The following NIPA1 variants were observed in gnomAD, a reference collection of about 807,000 sequenced individuals.
The protein encoded by NIPA1 is NIPA magnesium transporter 1, also known as magnesium transporter NIPA1.
NIPA1 carries 13 observed loss-of-function variants against 23.9 expected under a neutral mutation model. The observed-to-expected ratio is 0.54, with a 90% CI of 0.35 to 0.87. NIPA1 has a LOEUF of 0.87. Ranked by LOEUF, NIPA1 falls within the 40% of genes least tolerant of loss-of-function variation. NIPA1 has a pLI of 0.01. For synonymous variants in NIPA1, 234 were observed against 202.9 expected, an observed-to-expected ratio of 1.15 and a Z score of -1.30; for missense variants, 362 against 429.7, an observed-to-expected ratio of 0.84 and a Z score of 1.39.
chr15:22,799,876 T>A (rs1269195292), intron 1 of NIPA1, among the ~76,000 whole-genome samples: 1 of 131,950 alleles, frequency 7.6e-6, no homozygotes, highest in Non-Finnish European at 1.5e-5. Context: ...CCCAGGAGGT[T>A]GAGGCTTCAG....
At chr15:22,791,284 A>G (rs1333319879) in intron 1 of NIPA1, among the ~76,000 whole-genome samples, 1 of 151,878 alleles carries the variant, frequency 6.6e-6, no homozygotes, top group East Asian at 1.9e-4. Context: ...TCCACTCTGT[A>G]TGTCTGAAAG....
intron 1 of NIPA1, among the ~76,000 whole-genome samples, chr15:22,793,342 A>G (rs1894870888): frequency 1.7e-5 from 2 of 118,450 alleles, no homozygotes; most frequent in Admixed American, 2.1e-4. Context: ...CAGGCTACGG[A>G]GTGAGACTGT....
At chr15:22,814,683 A>G (rs971957154) in intron 3 of NIPA1, among the ~76,000 whole-genome samples, 21 of 152,348 alleles carry the variant, frequency 1.4e-4, no homozygotes, top group Non-Finnish European at 1.2e-4. Flanking sequence ...AGTGTAATGT[A>G]TGATAAAGTA....
At chr15:22,803,999 C>T (rs1306144872) in intron 1 of NIPA1, among the ~76,000 whole-genome samples, 1 of 148,932 alleles carries the variant, frequency 6.7e-6, no homozygotes, top group Non-Finnish European at 1.5e-5. Flanking sequence ...TTTTTTGAGA[C>T]AGGGTCTCAC....
At chr15:22,810,512 T>G (rs189286257) in intron 1 of NIPA1, among the ~76,000 whole-genome samples, 26 of 152,226 alleles carry the variant, frequency 1.7e-4, no homozygotes, top group Non-Finnish European at 3.4e-4. Flanking sequence ...AGATCTCATT[T>G]CCTTATTTGG....
At chr15:22,805,452 C>T (rs113061151) in intron 1 of NIPA1, among the ~76,000 whole-genome samples, 7,469 of 152,118 alleles carry the variant, frequency 0.049, 587 homozygotes, top group African/African-American at 0.17. Flanking sequence ...TTTGGGAGGC[C>T]GAGGTGAGCG....
At chr15:22,794,393 G>A (rs745818581) in intron 1 of NIPA1, among the ~76,000 whole-genome samples, 2 of 152,090 alleles carry the variant, frequency 1.3e-5, no homozygotes, top group Non-Finnish European at 2.9e-5. Context: ...CAAAGCTTCA[G>A]TGTGTGAAGA....
At chr15:22,798,550 T>C (rs1211975996) in intron 1 of NIPA1, among the ~76,000 whole-genome samples, 1 of 129,862 alleles carries the variant, frequency 7.7e-6, no homozygotes, top group Non-Finnish European at 1.7e-5. Flanking sequence ...ATCCTAAAAA[T>C]CTTAAAAAAA....
Position 22,786,720 on chromosome 15 carries a change from A to T in NIPA1, c.64A>T (p.Ser22Cys). The T allele has an allele frequency of 8.3e-7, 1 of 1,199,260 alleles. No homozygotes were observed. Among genetic ancestry groups the T allele is most frequent in the Non-Finnish European group, 1.1e-6 (1 of 951,074 alleles). 74.3% of individuals were successfully genotyped at this position (1,199,260 alleles called of 1,614,324 possible). A position where few individuals can be genotyped will look rare whatever the true frequency, so the allele number is the denominator to read the frequency against. ...AAAAAGEGARSPSPAAVSLGL... is the reference protein window; with the variant it reads ...AAAAAGEGARCPSPAAVSLGL... ...GGCGGCGGCCGGGGAGGGGGCGCGTAGCCCGAGCCCCGCCGCCGTGTCGCT... is the reference window on the plus strand; with the variant it reads ...GGCGGCGGCCGGGGAGGGGGCGCGTTGCCCGAGCCCCGCCGCCGTGTCGCT... Residue 22 changes from serine to cysteine, a missense_variant, in exon 1 of 5, where the codon AGC (serine) becomes TGC (cysteine). Around this residue, in one of 2 missense-constraint regions of NIPA1, gnomAD observed 85 missense variants for 57.7 expected, o/e 1.47. Coordinates refer to ENST00000337435, the MANE Select transcript of NIPA1 (RefSeq NM_144599.5).
chr15:22,814,328 G>T (rs1895374180), intron 3 of NIPA1, among the ~76,000 whole-genome samples: 7 of 151,716 alleles, frequency 4.6e-5, no homozygotes, highest in Admixed American at 4.6e-4. Flanking sequence ...CACGATCTCG[G>T]CTCACTGCAA....
Position 22,786,671 on chromosome 15 carries a change from T to TGCGGCA in NIPA1, c.21_26dup (p.Ala15_Ala16dup), listed in dbSNP as rs1555371600. 4.5e-5 allele frequency: 48 copies of TGCGGCA among 1,065,912 alleles called. No homozygotes were observed. The highest frequency in any genetic ancestry group is 1.5e-4 in the South Asian group (4 of 27,170). The allele number at this position is 1,065,912 out of a possible 1,614,324, so 66.0% of individuals were successfully genotyped here. A position where few individuals can be genotyped will look rare whatever the true frequency, so the allele number is the denominator to read the frequency against. ...GCGCGGGCGGAATGGGGACTGCAGC[T>TGCGGCA]GCGGCAGCGGCGGCGGCGGCGGCGG... On this transcript the variant is annotated inframe_insertion, in exon 1 of 5. Transcript: ENST00000337435.
chr15:22,824,466 G>A lies in NIPA1; in HGVS notation c.*227G>A, dbSNP rs1372108467. 3.6e-6 allele frequency: 2 copies of A among 555,214 alleles called. No homozygotes were observed. The highest frequency in any genetic ancestry group is 6.1e-5 in the East Asian group (2 of 32,988). The allele number at this position is 555,214 out of a possible 1,614,324, so 34.4% of individuals were successfully genotyped here. On this transcript the variant is annotated 3_prime_UTR_variant, in exon 5 of 5. Coordinates refer to ENST00000337435, the MANE Select transcript of NIPA1 (RefSeq NM_144599.5). This position sits in a 1 kb window ranked among gnomAD's most constrained non-coding sequence, Gnocchi z 4.1. ...CGGTTGCCTGGCACCATCTCTCTCTGATGAGACGAATCTCATTTTCATTTC... is the reference window on the plus strand; with the variant it reads ...CGGTTGCCTGGCACCATCTCTCTCTAATGAGACGAATCTCATTTTCATTTC...
chr15:22,791,235 TTTCA>T (rs966380174), intron 1 of NIPA1, among the ~76,000 whole-genome samples: 24 of 152,132 alleles, frequency 1.6e-4, no homozygotes, highest in African/African-American at 5.6e-4. Flanking sequence ...CTTTACTTCC[TTTCA>T]TTCCTGTTCA....
rs1194623054 is a variant in NIPA1, at chr15:22,825,954, C to T, written c.*1715C>T. The T allele has an allele frequency of 6.6e-6, 1 of 152,324 alleles. No homozygotes were observed. The highest frequency in any genetic ancestry group is 1.9e-4 in the East Asian group (1 of 5,194). The allele number at this position is 152,324 out of a possible 1,614,324, so 9.4% of individuals were successfully genotyped here. A position where few individuals can be genotyped will look rare whatever the true frequency, so the allele number is the denominator to read the frequency against. On this transcript the variant is annotated 3_prime_UTR_variant, in exon 5 of 5. Coordinates refer to ENST00000337435, the MANE Select transcript of NIPA1 (RefSeq NM_144599.5). ...ACATATTTCACCACGGTATCATGTA[C>T]TTCATGGCCAGTGTTTTATCTCAGC...
intron 1 of NIPA1, among the ~76,000 whole-genome samples, chr15:22,805,041 T>A (rs1895177330): frequency 6.6e-6 from 1 of 151,874 alleles, no homozygotes; most frequent in African/African-American, 2.4e-5. Context: ...AGGATTTCAC[T>A]GTGTTAGCCA....
rs1352962363 is a variant in NIPA1, at chr15:22,827,586, G to A, written c.*3347G>A. On this transcript the variant is annotated 3_prime_UTR_variant, in exon 5 of 5. Transcript: ENST00000337435. ...AATAAGGAATATTCTTTCAATTCCT[G>A]CTCTTCAAGCCAATTTACTACACCC... is the stretch of plus-strand genomic sequence containing the variant. 1 of 152,156 alleles carries A rather than the reference G, an allele frequency of 6.6e-6. No individual in the cohort carries two copies. The highest frequency in any genetic ancestry group is 1.9e-4 in the East Asian group (1 of 5,198). 9.4% of individuals were successfully genotyped at this position (152,156 alleles called of 1,614,324 possible). A position where few individuals can be genotyped will look rare whatever the true frequency, so the allele number is the denominator to read the frequency against.
Position 22,786,673 on chromosome 15 carries a change from C to T in NIPA1, c.17C>T (p.Ala6Val), listed in dbSNP as rs944860201. ...GCGGGCGGAATGGGGACTGCAGCTG[C>T]GGCAGCGGCGGCGGCGGCGGCGGCG... MGTAA[A>V]AAAAAAAAAA... is the part of the protein sequence containing the mutation. The change falls in exon 1 of 5, where the codon GCG (alanine) becomes GTG (valine). Residue 6 changes from alanine to valine, a missense_variant. This residue lies in a region of NIPA1 where 85 missense variants were observed against 57.7 expected (regional missense o/e 1.47). Coordinates refer to ENST00000337435, the MANE Select transcript of NIPA1 (RefSeq NM_144599.5). The T allele has an allele frequency of 6.5e-6, 7 of 1,075,406 alleles. No homozygotes were observed. The highest frequency in any genetic ancestry group is 7.6e-5 in the East Asian group (1 of 13,160). 66.6% of individuals were successfully genotyped at this position (1,075,406 alleles called of 1,614,324 possible).
In NIPA1 at chr15:22,826,347, T is replaced by C. The variant is rs1895652169; in HGVS notation, c.*2108T>C. 1 of 152,212 alleles carries C rather than the reference T, an allele frequency of 6.6e-6. No homozygotes were observed. Among genetic ancestry groups the C allele is most frequent in the African/African-American group, 2.4e-5 (1 of 41,440 alleles). 9.4% of individuals were successfully genotyped at this position (152,212 alleles called of 1,614,324 possible). ...AGTCCATTACTCTTTTTATTGGCTC[T>C]TGCAGGTTTTGTGTTTTATCATCAG... On this transcript the variant is annotated 3_prime_UTR_variant, in exon 5 of 5. Coordinates refer to ENST00000337435, the MANE Select transcript of NIPA1 (RefSeq NM_144599.5).
chr15:22,796,254 CTT>C (rs1566777700), intron 1 of NIPA1, among the ~76,000 whole-genome samples: 1 of 151,894 alleles, frequency 6.6e-6, no homozygotes, highest in African/African-American at 2.4e-5. Flanking sequence ...GGACTTAACT[CTT>C]TATTTAGAAA....
Sources: gnomAD v4.1 joint callset for allele counts (sites outside exome capture counted in the v4.1 genomes callset) on GRCh38, gnomAD v4.1.1 for gene constraint, gnomAD v4.1.1 regional missense constraint, Gnocchi (gnomAD v3.1) non-coding constraint, MANE v1.5 for transcripts, NCBI Gene and HGNC (gene_info 2026-07-23, HGNC 2026-07-21) for gene names.